Variants in TLE2 observed in about 807,000 individuals in gnomAD.
The protein encoded by TLE2 is transducin-like enhancer protein 2.
In TLE2, 74 loss-of-function variants were observed where a neutral mutation model predicts 97.2. That is an observed-to-expected ratio of 0.76 (90% CI 0.63 to 0.92). TLE2 has a LOEUF of 0.92. Ranked by LOEUF, TLE2 falls within the 40% of genes least tolerant of loss-of-function variation. TLE2 has a pLI of 0.00. For missense variants in TLE2, 1,038 were observed against 1,008.7 expected (o/e 1.03, Z -0.39); for synonymous variants, 499 against 432.1 (o/e 1.15, Z -1.92).
At chr19:3,042,508 A>G in intron 1 of TLE2, among the ~76,000 whole-genome samples, 1 of 146,592 alleles carries the variant, frequency 6.8e-6, no homozygotes, top group Admixed American at 6.8e-5. Flanking sequence ...GTAGGGAGGG[A>G]GGCGCCAATG....
chr19:3,025,023 C>G lies in TLE2; in HGVS notation c.291G>C (p.Gln97His), dbSNP rs2145200309. 1.3e-6 allele frequency: 2 copies of G among 1,597,818 alleles called. No homozygotes were observed. The highest frequency in any genetic ancestry group is 2.3e-5 in the South Asian group (2 of 87,764). Residue 97 changes from glutamine (Q) to histidine (H), a missense_variant, in exon 5 of 20, where the codon CAG becomes CAC. By Grantham distance (24) the Gln-to-His change is conservative. Coordinates refer to ENST00000262953, the MANE Select transcript of TLE2 (RefSeq NM_003260.5). The stretch of plus-strand genomic sequence containing the variant: ...CCCCACCCCCAGGCCCACTCACCTC[C>G]TGGGTCAGGAAGGGGATAATCTGAG... ...ICAQIIPFLTQEHQQQVLQAV... is the reference protein window; with the variant it reads ...ICAQIIPFLTHEHQQQVLQAV...
At chr19:3,017,946 T>C (rs1165345627) in intron 7 of TLE2, 87 bp from the exon 8 acceptor site, 6 of 1,308,288 alleles carry the variant, frequency 4.6e-6, no homozygotes, top group Admixed American at 4.0e-5. Context: ...AGCCCTCCAG[T>C]TTATAAAGCC....
At position 3,019,884 on chromosome 19, in the gene TLE2, T is replaced by C; in HGVS notation, c.295-111A>G. On this transcript the variant is annotated intron_variant, in intron 5 of 19. Transcript: ENST00000262953. The surrounding 1 kb of genome is among the most constrained non-coding windows in gnomAD (Gnocchi z 5.1). ...CACCCTCTCATCTTTGCCCCGGTAC[T>C]TCCCATTTCTCTTTTATCTTTTTCC... 1 of 1,350,508 alleles carries C rather than the reference T, an allele frequency of 7.4e-7. No homozygotes were observed. The highest frequency in any genetic ancestry group is 1.0e-6 in the Non-Finnish European group (1 of 993,320). 83.7% of individuals were successfully genotyped at this position (1,350,508 alleles called of 1,614,324 possible). A position where few individuals can be genotyped will look rare whatever the true frequency, so the allele number is the denominator to read the frequency against.
At chr19:3,033,020 G>A (rs1449749298), upstream of TLE2, among the ~76,000 whole-genome samples, 2 of 150,876 alleles carry the variant, frequency 1.3e-5, no homozygotes, top group African/African-American at 2.4e-5. Context: ...TGCAACCTCC[G>A]CCTCCCAGTT....
intron 8 of TLE2, chr19:3,015,989 T>G: frequency 1.6e-6 from 1 of 626,650 alleles, no homozygotes; most frequent in Non-Finnish European, 3.0e-6. Context: ...CAGGCTGGAG[T>G]GCAGTGGAGC....
At chr19:3,042,098 G>T (rs1188433943) in intron 1 of TLE2, among the ~76,000 whole-genome samples, 1 of 151,060 alleles carries the variant, frequency 6.6e-6, no homozygotes, top group Non-Finnish European at 1.5e-5. Context: ...TAGGGGGAGC[G>T]CAGGGAGCGT....
chr19:3,005,403 C>T, intron 17 of TLE2, 34 bp downstream of exon 17: 1 of 1,608,604 alleles, frequency 6.2e-7, no homozygotes. Flanking sequence ...ATTCCTAGAG[C>T]TTCCATCCCC....
intron 19 of TLE2, among the ~76,000 whole-genome samples, 188 bp downstream of exon 19, chr19:3,000,459 G>A (rs1054799942): frequency 3.0e-4 from 46 of 152,176 alleles, no homozygotes; most frequent in African/African-American, 9.9e-4. Context: ...CAGATGAGGC[G>A]AGGCCTCCGG....
chr19:3,020,005 G>A (rs559742948), intron 5 of TLE2: 8 of 595,866 alleles, frequency 1.3e-5, no homozygotes, highest in South Asian at 6.5e-5. Context: ...AAATCAGGCC[G>A]GGCATGGTGG....
At chr19:3,013,302 C>A (rs1050659555) in intron 11 of TLE2, among the ~76,000 whole-genome samples, 1 of 151,984 alleles carries the variant, frequency 6.6e-6, no homozygotes, top group Non-Finnish European at 1.5e-5. Context: ...TGTCTCTAAG[C>A]GCCTCTGGAA....
chr19:3,007,644 G>A (rs557145014), intron 14 of TLE2, among the ~76,000 whole-genome samples: 99 of 152,278 alleles, frequency 6.5e-4, no homozygotes, highest in African/African-American at 2.3e-3. Flanking sequence ...GTTGTGGTGT[G>A]GCGCATGGTA....
rs2089971739 is a variant in TLE2 at position 3,027,853 on chromosome 19, C to G, written c.207G>C (p.Gly69=). Residue 69 remains glycine (G), a synonymous_variant, in exon 4 of 20, where the codon GGG becomes GGC. Transcript: ENST00000262953. ...CCTGCTTATGCATTTCAATGTTGAG[C>G]CCGTACGACATCTCATAATACTGCA... ...HYVMYYEMSY[G]LNIEMHKQAE... is the part of the protein sequence containing the mutation. 6.2e-7 allele frequency: 1 copy of G among 1,611,534 alleles called. No homozygotes were observed. Among genetic ancestry groups the G allele is most frequent in the African/African-American group, 1.3e-5 (1 of 75,004 alleles).
chr19:3,038,575 G>A (rs2033238401), intron 1 of TLE2, among the ~76,000 whole-genome samples: 1 of 152,182 alleles, frequency 6.6e-6, no homozygotes, highest in African/African-American at 2.4e-5. Context: ...TCTATGCTAT[G>A]CATTCTCCAT....
chr19:3,047,425 C>G (rs1016751668), upstream of TLE2: 2 of 149,212 alleles, frequency 1.3e-5, no homozygotes, highest in Admixed American at 1.3e-4. Context: ...CCTGGGAGAC[C>G]CCCGGATCGC....
chr19:3,038,881 C>G (rs1191220285), intron 1 of TLE2, among the ~76,000 whole-genome samples: 1 of 152,084 alleles, frequency 6.6e-6, no homozygotes, highest in Non-Finnish European at 1.5e-5. Flanking sequence ...CCTGTCTCTA[C>G]TAAAAATACA....
rs141103605 is a variant in TLE2 at position 3,013,551 on chromosome 19, A to G, written c.873+118T>C. On this transcript the variant is annotated intron_variant, in intron 11 of 19. Coordinates refer to ENST00000262953, the MANE Select transcript of TLE2 (RefSeq NM_003260.5). ...AAAAAAAAGCACAGGGAAAGGGTGG[A>G]CAATGCCAGCCCGGCTGGCTGATTT... 1,642 of 1,007,916 alleles carry G rather than the reference A, an allele frequency of 1.6e-3. 16 individuals carry two copies. The African/African-American group carries it at 0.024, about 15-fold the overall frequency. The allele number at this position is 1,007,916 out of a possible 1,614,324, so 62.4% of individuals were successfully genotyped here. A position where few individuals can be genotyped will look rare whatever the true frequency, so the allele number is the denominator to read the frequency against.
intron 1 of TLE2, chr19:3,045,661 G>A (rs945746059): frequency 8.3e-5 from 33 of 396,736 alleles, no homozygotes; most frequent in African/African-American, 2.9e-4. Flanking sequence ...ACCCCACCCC[G>A]TCTCTACTAA....
At chr19:3,016,299 G>A (rs2089701796) in intron 8 of TLE2, among the ~76,000 whole-genome samples, 1 of 150,692 alleles carries the variant, frequency 6.6e-6, no homozygotes, top group African/African-American at 2.4e-5. Context: ...ATTTTGGCCG[G>A]GCGCAGTGGC....
At chr19:3,014,536 A>G in intron 10 of TLE2, 34 bp downstream of exon 10, 1 of 1,546,576 alleles carries the variant, frequency 6.5e-7, no homozygotes, top group Middle Eastern at 1.7e-4. Context: ...CTCTGTGCCC[A>G]GAGTCGGGGA....
Sources: gnomAD v4.1 joint callset for allele counts (sites outside exome capture counted in the v4.1 genomes callset) on GRCh38, gnomAD v4.1.1 for gene constraint, Gnocchi (gnomAD v3.1) non-coding constraint, MANE v1.5 for transcripts, NCBI Gene and HGNC (gene_info 2026-07-23, HGNC 2026-07-21) for gene names.